Variants in SLC12A2 observed in about 807,000 individuals in gnomAD.
SLC12A2 encodes Na-K-2Cl cotransporter 1.
Under a neutral mutation model 136.3 loss-of-function variants are expected in SLC12A2, and 67 were observed. The ratio of observed to expected loss-of-function variants is 0.49; its 90% CI spans 0.40 to 0.60. SLC12A2 has a LOEUF of 0.60. Among genes scored for constraint, SLC12A2 ranks in the 20% least tolerant of loss-of-function variants. SLC12A2 has a pLI of 0.00. For missense variants in SLC12A2, 1,322 were observed against 1,534.7 expected (o/e 0.86, Z 2.32); for synonymous variants, 619 against 562.9 (o/e 1.10, Z -1.41).
chr5:128,119,427 G>C (rs1175736312), intron 4 of SLC12A2, among the ~76,000 whole-genome samples: 1 of 152,172 alleles, frequency 6.6e-6, no homozygotes, highest in East Asian at 1.9e-4. Flanking sequence ...ACTAGTTTCA[G>C]CTTTCTACAT....
intron 4 of SLC12A2, among the ~76,000 whole-genome samples, chr5:128,126,967 T>TATATA (rs1491322749): frequency 1.7e-4 from 5 of 29,648 alleles, no homozygotes; most frequent in African/African-American, 7.7e-4. Flanking sequence ...TATATATATA[T>TATATA]TTTTTTTTTT....
In SLC12A2 at chr5:128,188,675, G is replaced by A. The variant is rs1226522092; in HGVS notation, c.*2044G>A. 6.7e-6 allele frequency: 1 copy of A among 149,500 alleles called. No homozygotes were observed. Among genetic ancestry groups the A allele is most frequent in the East Asian group, 2.0e-4 (1 of 5,104 alleles). The allele number at this position is 149,500 out of a possible 1,614,324, so 9.3% of individuals were successfully genotyped here. A position where few individuals can be genotyped will look rare whatever the true frequency, so the allele number is the denominator to read the frequency against. On this transcript the variant is annotated 3_prime_UTR_variant, in exon 27 of 27. Coordinates refer to ENST00000262461, the MANE Select transcript of SLC12A2 (RefSeq NM_001046.3). ...ATTTTTGCTTCATGAGTATGACCTA[G>A]GTATAGAGATCTGATAACTTGAATT... is the stretch of plus-strand genomic sequence containing the variant.
At position 128,084,239 on chromosome 5, in the gene SLC12A2, TGCGGCG is replaced by T. The variant is rs746633185; in HGVS notation, c.303_308del (p.Ala106_Ala107del). The stretch of plus-strand genomic sequence containing the variant: ...CCGAGAACGCCGGGCGGGCCGCTGC[TGCGGCG>T]GCGGCGGCGGCGGCGGCAGCGGCGG... On this transcript the variant is annotated inframe_deletion, in exon 1 of 27. Coordinates refer to ENST00000262461, the MANE Select transcript of SLC12A2 (RefSeq NM_001046.3). The surrounding 1 kb of genome is among the most constrained non-coding windows in gnomAD (Gnocchi z 5.6). The T allele has an allele frequency of 0.024, 31,106 of 1,279,496 alleles. 657 individuals are homozygous for T. Among genetic ancestry groups the T allele is most frequent in the Non-Finnish European group, 0.027 (27,211 of 1,023,526 alleles). The allele number at this position is 1,279,496 out of a possible 1,614,324, so 79.3% of individuals were successfully genotyped here.
At chr5:128,186,092 C>A (rs1763858716) in intron 26 of SLC12A2, among the ~76,000 whole-genome samples, 1 of 152,000 alleles carries the variant, frequency 6.6e-6, no homozygotes, top group Admixed American at 6.6e-5. Flanking sequence ...TGTATCTTTT[C>A]TGTATTTAGA....
chr5:128,159,928 CACAT>C (rs1762986714), intron 16 of SLC12A2, among the ~76,000 whole-genome samples: 1 of 152,168 alleles, frequency 6.6e-6, no homozygotes, highest in African/African-American at 2.4e-5. Context: ...ACTATAAAGA[CACAT>C]ACACACGTAT....
At position 128,126,966 on chromosome 5, in the gene SLC12A2, A is replaced by ATATATATATAATTTTT; in HGVS notation, c.1049-4100_1049-4099insATATATATAATTTTTT. 1.5e-3 allele frequency among the ~76,000 whole-genome samples: 31 copies of ATATATATATAATTTTT among 21,160 alleles called. 3 individuals are homozygous for ATATATATATAATTTTT. The highest frequency in any genetic ancestry group is 2.0e-3 in the Non-Finnish European group (26 of 12,984). The allele number at this position is 21,160 out of a possible 152,430, so 13.9% of individuals were successfully genotyped here. A position where few individuals can be genotyped will look rare whatever the true frequency, so the allele number is the denominator to read the frequency against. On this transcript the variant is annotated intron_variant, in intron 4 of 26. Coordinates refer to ENST00000262461, the MANE Select transcript of SLC12A2 (RefSeq NM_001046.3). The stretch of plus-strand genomic sequence containing the variant: ...CATATATATATATATATATATATAT[A>ATATATATATAATTTTT]TTTTTTTTTTTTTTTTTTTTTGCAT...
In SLC12A2 at chr5:128,188,020, A is replaced by G. The variant is rs879815534; in HGVS notation, c.*1389A>G. On this transcript the variant is annotated 3_prime_UTR_variant, in exon 27 of 27. Transcript: ENST00000262461. Reference sequence around the variant, plus strand: ...TATGCATACACAGATGCATATGTGTATATATAATGAAATTTATGTTGCTGG... The same window carrying G: ...TATGCATACACAGATGCATATGTGTGTATATAATGAAATTTATGTTGCTGG... 1.8e-4 allele frequency: 27 copies of G among 152,490 alleles called. No homozygotes were observed. The highest frequency in any genetic ancestry group is 6.3e-4 in the African/African-American group (26 of 41,442). 9.4% of individuals were successfully genotyped at this position (152,490 alleles called of 1,614,324 possible). A position where few individuals can be genotyped will look rare whatever the true frequency, so the allele number is the denominator to read the frequency against.
intron 1 of SLC12A2, chr5:128,109,402 C>A: frequency 3.0e-6 from 1 of 331,430 alleles, no homozygotes; most frequent in East Asian, 7.4e-5. Flanking sequence ...GGCCGGTGTG[C>A]CCCTGCCGAA....
rs575757375 is a variant in SLC12A2, at chr5:128,163,357, T to C, written c.2616+1557T>C. Among the ~76,000 whole-genome samples, 109 of 152,134 alleles carry C rather than the reference T, an allele frequency of 7.2e-4. 1 individual carries two copies. The highest frequency in any genetic ancestry group is 2.6e-3 in the African/African-American group (109 of 41,514). ...CAGCCTGGCCAACATGGTGAAACCC[T>C]GTCTCTACTAAAAATACAAAAGTTA... On this transcript the variant is annotated intron_variant, in intron 17 of 26. Coordinates refer to ENST00000262461, the MANE Select transcript of SLC12A2 (RefSeq NM_001046.3).
chr5:128,171,940 T>C (rs1340985349), intron 19 of SLC12A2, 194 bp downstream of exon 19: 5 of 429,596 alleles, frequency 1.2e-5, no homozygotes, highest in Admixed American at 4.4e-5. Context: ...ACCTGGATGA[T>C]GGTTAGTGAT....
At chr5:128,180,849 T>C (rs1763683276) in intron 22 of SLC12A2, 34 bp from the exon 23 acceptor site, 1 of 1,237,128 alleles carries the variant, frequency 8.1e-7, no homozygotes, top group Non-Finnish European at 1.2e-6. Context: ...AAATTTGCAT[T>C]TAGTAAATGA....
intron 20 of SLC12A2, among the ~76,000 whole-genome samples, chr5:128,176,242 A>G (rs1328883468): frequency 6.6e-6 from 1 of 152,022 alleles, no homozygotes; most frequent in Admixed American, 6.5e-5. Context: ...AGAGGTAGGT[A>G]CTAATACCTC....
intron 21 of SLC12A2, 107 bp from the exon 22 acceptor site, chr5:128,178,460 G>C: frequency 1.4e-6 from 1 of 699,964 alleles, no homozygotes; most frequent in South Asian, 3.3e-5. Flanking sequence ...TGAATTATCT[G>C]TAGTATAAAC....
intron 18 of SLC12A2, chr5:128,168,356 C>G (rs1016965215): frequency 6.6e-6 from 1 of 152,086 alleles, no homozygotes; most frequent in Admixed American, 6.6e-5. Flanking sequence ...TTTAAATGTA[C>G]TTATATGTTT....
intron 17 of SLC12A2, 33 bp from the exon 18 acceptor site, chr5:128,167,728 T>G (rs780929155): frequency 7.1e-7 from 1 of 1,408,642 alleles, no homozygotes; most frequent in East Asian, 2.3e-5. Context: ...GAAAATAATA[T>G]ATCTGTAAAG....
intron 4 of SLC12A2, among the ~76,000 whole-genome samples, chr5:128,122,303 A>G (rs760929047): frequency 6.6e-6 from 1 of 152,148 alleles, no homozygotes; most frequent in African/African-American, 2.4e-5. Flanking sequence ...TCAGCTGACA[A>G]TTGTTGAGCA....
chr5:128,180,993 G>T lies in SLC12A2; in HGVS notation c.3211G>T (p.Ala1071Ser), dbSNP rs760408656. The T allele has an allele frequency of 6.4e-7, 1 of 1,558,878 alleles. No homozygotes were observed. Among genetic ancestry groups the T allele is most frequent in the Non-Finnish European group, 8.8e-7 (1 of 1,130,664 alleles). ...AAACAGAATAGACCATGACCGGAGA[G>T]CGTAAGTTTATTTCACATTGAAGGG... is the stretch of plus-strand genomic sequence containing the variant. ...KINRIDHDRRAMATLLSKFRI... is the reference protein window; with the variant it reads ...KINRIDHDRRSMATLLSKFRI... Residue 1071 changes from alanine to serine, a missense_variant and splice_region_variant, in exon 23 of 27, where the codon GCG becomes TCG. Around this residue, in one of 8 missense-constraint regions of SLC12A2, gnomAD observed 172 missense variants for 227.4 expected, o/e 0.76. Coordinates refer to ENST00000262461, the MANE Select transcript of SLC12A2 (RefSeq NM_001046.3).
chr5:128,127,315 G>T (rs1248690245), intron 4 of SLC12A2, among the ~76,000 whole-genome samples: 1 of 151,648 alleles, frequency 6.6e-6, no homozygotes, highest in Non-Finnish European at 1.5e-5. Flanking sequence ...TAGAGACGGG[G>T]TTTCACCGTA....
At chr5:128,132,563 A>T (rs1185689495) in intron 5 of SLC12A2, among the ~76,000 whole-genome samples, 1 of 152,228 alleles carries the variant, frequency 6.6e-6, no homozygotes, top group African/African-American at 2.4e-5. Context: ...GTATAATTAA[A>T]GAAGAGTGCA....
Sources: gnomAD v4.1 joint callset for allele counts (sites outside exome capture counted in the v4.1 genomes callset) on GRCh38, gnomAD v4.1.1 for gene constraint, gnomAD v4.1.1 regional missense constraint, Gnocchi (gnomAD v3.1) non-coding constraint, MANE v1.5 for transcripts, NCBI Gene and HGNC (gene_info 2026-07-23, HGNC 2026-07-21) for gene names.